PTGER4: variants seen among roughly 807,000 people sequenced by gnomAD.
The protein encoded by PTGER4 is prostaglandin E2 receptor EP4 subtype.
A neutral mutation model predicts 33.2 loss-of-function variants in PTGER4; 11 were observed. The observed-to-expected ratio is 0.33, with a 90% CI of 0.21 to 0.55. PTGER4 has a LOEUF of 0.55. Among genes scored for constraint, PTGER4 ranks in the 20% least tolerant of loss-of-function variants. PTGER4 has a pLI of 0.92. For synonymous variants in PTGER4, 275 were observed against 281.5 expected, an observed-to-expected ratio of 0.98 and a Z score of 0.23; for missense variants, 481 against 650.2, an observed-to-expected ratio of 0.74 and a Z score of 2.83.
chr5:40,723,763 G>A, the PTGER4 span, among the ~76,000 whole-genome samples: 8 of 152,094 alleles, frequency 5.3e-5, no homozygotes, highest in South Asian at 2.1e-4. Flanking sequence ...TACTTGGGAG[G>A]CTGAGGCAGG....
Position 40,683,578 on chromosome 5 carries a change from A to C in PTGER4, c.867+1718A>C, listed in dbSNP as rs945195742. Among the ~76,000 whole-genome samples the C allele has an allele frequency of 2.6e-5, 4 of 152,260 alleles. No individual in the cohort carries two copies. Among genetic ancestry groups the C allele is most frequent in the Non-Finnish European group, 5.9e-5 (4 of 68,042 alleles). ...ATTTTCAGAACATCCACTTAAAGGG[A>C]CAGAGGAATTAGAGCTAGAAGGTTA... is the stretch of plus-strand genomic sequence containing the variant. On this transcript the variant is annotated intron_variant, in intron 2 of 2. Coordinates refer to ENST00000302472, the MANE Select transcript of PTGER4 (RefSeq NM_000958.3). The surrounding 1 kb of genome is among the most constrained non-coding windows in gnomAD (Gnocchi z 4.2).
At chr5:40,685,867 A>AT (rs750195618) in intron 2 of PTGER4, among the ~76,000 whole-genome samples, 2 of 151,904 alleles carry the variant, frequency 1.3e-5, no homozygotes, top group Non-Finnish European at 2.9e-5. Context: ...TCCTAACAAG[A>AT]TTTTTTTTCT....
chr5:40,686,343 G>A (rs1316917637), intron 2 of PTGER4, among the ~76,000 whole-genome samples: 1 of 152,194 alleles, frequency 6.6e-6, no homozygotes, highest in East Asian at 1.9e-4. Flanking sequence ...AAATTATTAA[G>A]TAGGAAGTAC....
At chr5:40,708,837 A>C in the PTGER4 span, among the ~76,000 whole-genome samples, 1 of 152,216 alleles carries the variant, frequency 6.6e-6, no homozygotes, top group Admixed American at 6.5e-5. Context: ...ATCCACCATG[A>C]TCAAGTGGGC....
chr5:40,728,394 G>A, the PTGER4 span: 1 of 1,611,258 alleles, frequency 6.2e-7, no homozygotes, highest in African/African-American at 1.3e-5. Flanking sequence ...AGTCTGCCAA[G>A]ACTCCCATGA....
At chr5:40,715,973 A>G in the PTGER4 span, 1 of 506,172 alleles carries the variant, frequency 2.0e-6, no homozygotes. Flanking sequence ...TTATCAAAGC[A>G]TATTCCAAAC....
the PTGER4 span, among the ~76,000 whole-genome samples, chr5:40,702,911 G>T: frequency 0.67 from 101,199 of 152,026 alleles, 33,872 homozygotes; most frequent in East Asian, 0.8. Context: ...GGTCCTGAAT[G>T]ACTTTTGAGT....
the PTGER4 span, among the ~76,000 whole-genome samples, chr5:40,727,210 T>A: frequency 1.3e-5 from 2 of 152,240 alleles, no homozygotes. Flanking sequence ...ATATTTTGAA[T>A]TTATCAGTAA....
intron 2 of PTGER4, among the ~76,000 whole-genome samples, chr5:40,690,710 T>C (rs1483475740): frequency 1.3e-5 from 2 of 152,218 alleles, no homozygotes; most frequent in East Asian, 3.9e-4. Flanking sequence ...ATTCTGGTGA[T>C]TAGATGGTTA....
chr5:40,717,715 G>C, the PTGER4 span, among the ~76,000 whole-genome samples: 2 of 152,180 alleles, frequency 1.3e-5, no homozygotes, highest in East Asian at 3.9e-4. Flanking sequence ...TGTTTTCTCT[G>C]AGTATACTTA....
In PTGER4 at chr5:40,692,274, G is replaced by A; in HGVS notation, c.1363G>A (p.Asp455Asn). The A allele has an allele frequency of 6.2e-7, 1 of 1,614,264 alleles. No individual in the cohort carries two copies. Among genetic ancestry groups the A allele is most frequent in the Non-Finnish European group, 8.5e-7 (1 of 1,180,052 alleles). The change falls in exon 3 of 3, where the codon GAT becomes AAT. Residue 455 changes from aspartate (D) to asparagine (N), a missense_variant. This residue lies in a region of PTGER4 where 172 missense variants were observed against 199.2 expected (regional missense o/e 0.86). Transcript: ENST00000302472. ...GGACTCAGAGAGTGTCTTACTGGTG[G>A]ATGAGGCTGGTGGGAGCGGCAGGGC... ...GQDSESVLLV[D>N]EAGGSGRAGP...
the PTGER4 span, among the ~76,000 whole-genome samples, chr5:40,708,241 G>A: frequency 6.6e-6 from 1 of 152,226 alleles, no homozygotes; most frequent in African/African-American, 2.4e-5. Context: ...ATGAATCCAG[G>A]AGCTGGCTTT....
chr5:40,721,249 G>C, the PTGER4 span, among the ~76,000 whole-genome samples: 6 of 152,182 alleles, frequency 3.9e-5, no homozygotes, highest in Non-Finnish European at 7.4e-5. Context: ...ATTTGGGCTG[G>C]AAGTTGCTAT....
At chr5:40,697,696 A>T (rs63470160), downstream of PTGER4, among the ~76,000 whole-genome samples, 116,525 of 151,036 alleles carry the variant, frequency 0.77, 45,160 homozygotes, top group East Asian at 1. Context: ...AATTAGTAAA[A>T]ATATACATAG....
rs1045061623 is a variant in PTGER4 at position 40,692,521 on chromosome 5, A to G, written c.*143A>G. On this transcript the variant is annotated 3_prime_UTR_variant, in exon 3 of 3. Coordinates refer to ENST00000302472, the MANE Select transcript of PTGER4 (RefSeq NM_000958.3). ...TTAGAGAACATCCTGGCTTTTGAGC[A>G]CTTTTCAAACAATCAAGTTGACTCA... The G allele has an allele frequency of 1.6e-5, 23 of 1,454,846 alleles. No individual in the cohort carries two copies. The highest frequency in any genetic ancestry group is 1.9e-5 in the Non-Finnish European group (21 of 1,110,770). The allele number at this position is 1,454,846 out of a possible 1,614,324, so 90.1% of individuals were successfully genotyped here.
Position 40,693,716 on chromosome 5 carries a change from T to C in PTGER4, c.*1338T>C. 1.0e-6 allele frequency: 1 copy of C among 980,218 alleles called. No homozygotes were observed. Among genetic ancestry groups the C allele is most frequent in the Non-Finnish European group, 1.2e-6 (1 of 824,688 alleles). 60.7% of individuals were successfully genotyped at this position (980,218 alleles called of 1,614,324 possible). A position where few individuals can be genotyped will look rare whatever the true frequency, so the allele number is the denominator to read the frequency against. On this transcript the variant is annotated 3_prime_UTR_variant, in exon 3 of 3. Transcript: ENST00000302472. ...CCAAGTGAAATTATTTTGGAGATTA[T>C]AATAAATATATACATTCAATCTGAG...
In PTGER4 at chr5:40,681,270, G is replaced by A; in HGVS notation, c.277G>A (p.Glu93Lys). The A allele has an allele frequency of 6.2e-7, 1 of 1,614,170 alleles. No homozygotes were observed. The highest frequency in any genetic ancestry group is 8.5e-7 in the Non-Finnish European group (1 of 1,180,042). Reference sequence around the variant, plus strand: ...ATGGCCCGGGGGCCAGCCGCTGTGCGAGTACAGCACCTTCATTCTGCTCTT... The same window carrying A: ...ATGGCCCGGGGGCCAGCCGCTGTGCAAGTACAGCACCTTCATTCTGCTCTT... ...GQWPGGQPLC[E>K]YSTFILLFFS... The change falls in exon 2 of 3, where the codon GAG becomes AAG. Residue 93 changes from glutamate (E) to lysine (K), a missense_variant. By Grantham distance (56) the Glu-to-Lys change is moderately conservative. Transcript: ENST00000302472. The surrounding 1 kb of genome is among the most constrained non-coding windows in gnomAD (Gnocchi z 9.8).
chr5:40,681,212 C>T lies in PTGER4; in HGVS notation c.219C>T (p.Ser73=). 6.2e-7 allele frequency: 1 copy of T among 1,614,120 alleles called. No homozygotes were observed. Among genetic ancestry groups the T allele is most frequent in the South Asian group, 1.1e-5 (1 of 91,078 alleles). Residue 73 remains serine, a synonymous_variant, in exon 2 of 3, where the codon AGC becomes AGT. Transcript: ENST00000302472. This position sits in a 1 kb window ranked among gnomAD's most constrained non-coding sequence, Gnocchi z 9.8. ...VTDLLGTLLV[S]PVTIATYMKG... is the part of the protein sequence containing the mutation. Reference sequence around the variant, plus strand: ...ACCTGTTGGGCACTTTGTTGGTGAGCCCGGTGACCATCGCCACGTACATGA... The same window carrying T: ...ACCTGTTGGGCACTTTGTTGGTGAGTCCGGTGACCATCGCCACGTACATGA...
the PTGER4 span, among the ~76,000 whole-genome samples, chr5:40,730,616 G>A: frequency 3.3e-5 from 5 of 151,836 alleles, no homozygotes; most frequent in Admixed American, 6.6e-5. Flanking sequence ...CTCCACCCCC[G>A]GGCAAACACC....
Sources: allele counts gnomAD v4.1 joint callset (sites outside exome capture counted in the v4.1 genomes callset), GRCh38; gene constraint gnomAD v4.1.1; regional missense constraint gnomAD v4.1.1; non-coding constraint Gnocchi (gnomAD v3.1); transcripts MANE v1.5; gene names NCBI Gene and HGNC (gene_info 2026-07-23, HGNC 2026-07-21).